ITGB6: variants seen among roughly 807,000 people sequenced by gnomAD.
ITGB6 encodes integrin beta-6.
A neutral mutation model predicts 84.5 loss-of-function variants in ITGB6; 80 were observed. That is an observed-to-expected ratio of 0.95 (90% confidence interval 0.79 to 1.14). The LOEUF is 1.14. Ranked by LOEUF, ITGB6 falls within the 50% of genes most tolerant of loss-of-function variation. The pLI is 0.00. For missense variants in ITGB6, 1,006 were observed against 968.0 expected (o/e 1.04, Z -0.52); for synonymous variants, 383 against 354.9 (o/e 1.08, Z -0.89).
chr2:160,149,459 A>G (rs886628622), intron 7 of ITGB6, among the ~76,000 whole-genome samples: 2 of 152,254 alleles, frequency 1.3e-5, no homozygotes, highest in Non-Finnish European at 2.9e-5. Context: ...GGACACCAAC[A>G]TCAAAGACCA....
At chr2:160,185,127 C>T (rs915903715) in intron 4 of ITGB6, among the ~76,000 whole-genome samples, 4 of 152,002 alleles carry the variant, frequency 2.6e-5, no homozygotes, top group Non-Finnish European at 4.4e-5. Context: ...AAGTTTTGGC[C>T]AGGGCAATCA....
intron 12 of ITGB6, among the ~76,000 whole-genome samples, chr2:160,117,884 C>T (rs1682855746): frequency 6.6e-6 from 1 of 152,196 alleles, no homozygotes; most frequent in South Asian, 2.1e-4. Context: ...ATACTACAAA[C>T]ACCTCTATGC....
chr2:160,100,671 T>C lies in ITGB6; in HGVS notation c.*1065A>G, dbSNP rs1368117106. ...TATTTTGCAAGTAAAATCTTACCTC[T>C]TAAAGTAAATATATGATGCATATTC... On this transcript the variant is annotated 3_prime_UTR_variant, in exon 15 of 15. Coordinates refer to ENST00000283249, the MANE Select transcript of ITGB6 (RefSeq NM_000888.5). 1 of 152,208 alleles carries C rather than the reference T, an allele frequency of 6.6e-6. No individual in the cohort carries two copies. The highest frequency in any genetic ancestry group is 1.5e-5 in the Non-Finnish European group (1 of 68,024). 9.4% of individuals were successfully genotyped at this position (152,208 alleles called of 1,614,324 possible). A position where few individuals can be genotyped will look rare whatever the true frequency, so the allele number is the denominator to read the frequency against.
At chr2:160,121,783 A>AG (rs2105795382) in intron 12 of ITGB6, among the ~76,000 whole-genome samples, 2 of 151,432 alleles carry the variant, frequency 1.3e-5, no homozygotes, top group South Asian at 4.2e-4. Flanking sequence ...AAAAGAAAAA[A>AG]AAAAAGACTC....
chr2:160,112,871 G>A (rs1384204656), intron 12 of ITGB6, among the ~76,000 whole-genome samples: 1 of 151,630 alleles, frequency 6.6e-6, no homozygotes, highest in Admixed American at 6.6e-5. Context: ...TCATTCAAGA[G>A]GCAGAAAATG....
chr2:160,129,454 A>G (rs1683372704), intron 10 of ITGB6, among the ~76,000 whole-genome samples: 1 of 151,426 alleles, frequency 6.6e-6, no homozygotes, highest in Non-Finnish European at 1.5e-5. Flanking sequence ...TTGCTCTTCC[A>G]GCAAAATTTA....
At chr2:160,159,596 C>G (rs1684746657) in intron 7 of ITGB6, among the ~76,000 whole-genome samples, 1 of 152,168 alleles carries the variant, frequency 6.6e-6, no homozygotes, top group African/African-American at 2.4e-5. Context: ...CCCGCTCCAT[C>G]TCCTTCTACC....
At chr2:160,195,909 G>GAAAAGGTTGTTTAGAA (rs749008139) in intron 3 of ITGB6, among the ~76,000 whole-genome samples, 12 of 152,122 alleles carry the variant, frequency 7.9e-5, no homozygotes, top group Non-Finnish European at 1.3e-4. Flanking sequence ...TAGAAAAGGA[G>GAAAAGGTTGTTTAGAA]AACCAAATAA....
chr2:160,120,434 G>A lies in ITGB6; in HGVS notation c.1981+3357C>T, dbSNP rs543793432. On this transcript the variant is annotated intron_variant, in intron 12 of 14. Transcript: ENST00000283249. ...TCGCAAGAACAAAAAACCAAACACC[G>A]CATATTCTCACTCATAGGTGGGAAT... 1.6e-3 allele frequency among the ~76,000 whole-genome samples: 65 copies of A among 41,220 alleles called. 11 individuals carry two copies. Among genetic ancestry groups the A allele is most frequent in the African/African-American group, 6.3e-3 (62 of 9,832 alleles). The allele number at this position is 41,220 out of a possible 152,430, so 27.0% of individuals were successfully genotyped here. A position where few individuals can be genotyped will look rare whatever the true frequency, so the allele number is the denominator to read the frequency against.
chr2:160,191,445 T>C (rs1447537936), intron 4 of ITGB6, among the ~76,000 whole-genome samples: 2 of 152,160 alleles, frequency 1.3e-5, no homozygotes, highest in South Asian at 4.1e-4. Context: ...ACCTCTTAAG[T>C]TGGGGCAATA....
At chr2:160,126,324 G>C in intron 11 of ITGB6, 55 bp downstream of exon 11, 1 of 1,520,360 alleles carries the variant, frequency 6.6e-7, no homozygotes, top group Non-Finnish European at 9.1e-7. Context: ...GCCACTGTAA[G>C]TTTGATCACT....
At position 160,101,125 on chromosome 2, in the gene ITGB6, C is replaced by G. The variant is rs1234895402; in HGVS notation, c.*611G>C. On this transcript the variant is annotated 3_prime_UTR_variant, in exon 15 of 15. Coordinates refer to ENST00000283249, the MANE Select transcript of ITGB6 (RefSeq NM_000888.5). ...AATTACTTATTCCTTATTTGTAAAA[C>G]AAATAAAATATTTGTGTACTTAACG... 6.6e-6 allele frequency: 1 copy of G among 151,974 alleles called. No individual in the cohort carries two copies. The highest frequency in any genetic ancestry group is 1.9e-4 in the East Asian group (1 of 5,190). The allele number at this position is 151,974 out of a possible 1,614,324, so 9.4% of individuals were successfully genotyped here.
In ITGB6 at chr2:160,169,248, G is replaced by A. The variant is rs766445448; in HGVS notation, c.981C>T (p.Ile327=). Residue 327 remains isoleucine, a synonymous_variant, in exon 7 of 15, where the codon ATC becomes ATT. Transcript: ENST00000283249. ...GAACTTGTTCTTGGGTTACAGCGAAGATCAATAACACGTTGTTTTGTACCA... is the reference window on the plus strand; with the variant it reads ...GAACTTGTTCTTGGGTTACAGCGAAAATCAATAACACGTTGTTTTGTACCA... ...DKLVQNNVLL[I]FAVTQEQVHL... The A allele has an allele frequency of 1.2e-6, 2 of 1,604,382 alleles. No individual in the cohort carries two copies. The highest frequency in any genetic ancestry group is 2.2e-5 in the South Asian group (2 of 89,248).
chr2:160,155,766 T>A (rs568979672), intron 7 of ITGB6, among the ~76,000 whole-genome samples: 1 of 152,272 alleles, frequency 6.6e-6, no homozygotes, highest in South Asian at 2.1e-4. Context: ...CGATTCTACA[T>A]ATCAACAAGA....
At position 160,172,671 on chromosome 2, in the gene ITGB6, A is replaced by T. The variant is rs61737770; in HGVS notation, c.819T>A (p.Asp273Glu). The change falls in exon 6 of 15, where the codon GAT (aspartate) becomes GAA (glutamate). Residue 273 changes from aspartate to glutamate, a missense_variant. By Grantham distance (45) the Asp-to-Glu change is conservative. Coordinates refer to ENST00000283249, the MANE Select transcript of ITGB6 (RefSeq NM_000888.5). ...GTTTGCTGTCCATTCCAAAATGAGA[A>T]TCAGCATCACTCACAAAGACCAGGA... The part of the protein sequence containing the change: ...LHLLVFVSDA[D>E]SHFGMDSKLA... 699 of 1,611,424 alleles carry T rather than the reference A, an allele frequency of 4.3e-4. 2 individuals are homozygous for T. In the African/African-American group the frequency reaches 8.3e-3, roughly 19 times the overall value.
intron 7 of ITGB6, among the ~76,000 whole-genome samples, chr2:160,147,189 AAAAG>A (rs1684230617): frequency 6.6e-6 from 1 of 152,026 alleles, no homozygotes; most frequent in Non-Finnish European, 1.5e-5. Context: ...AAGAAGAAAG[AAAAG>A]AAAGAGAATA....
Position 160,120,877 on chromosome 2 carries a change from C to T in ITGB6, c.1981+2914G>A, listed in dbSNP as rs531679881. ...ATTGAACAATGAGAACACATGGACACAGGAAGGGGAACATCACACTTCAGG... is the reference window on the plus strand; with the variant it reads ...ATTGAACAATGAGAACACATGGACATAGGAAGGGGAACATCACACTTCAGG... On this transcript the variant is annotated intron_variant, in intron 12 of 14. Coordinates refer to ENST00000283249, the MANE Select transcript of ITGB6 (RefSeq NM_000888.5). 9.4e-5 allele frequency among the ~76,000 whole-genome samples: 13 copies of T among 138,790 alleles called. No individual in the cohort carries two copies. The Admixed American group carries it at 9.5e-4, about 10-fold the overall frequency. The allele number at this position is 138,790 out of a possible 152,430, so 91.1% of individuals were successfully genotyped here. A position where few individuals can be genotyped will look rare whatever the true frequency, so the allele number is the denominator to read the frequency against.
chr2:160,154,479 T>C (rs946963849), intron 7 of ITGB6, among the ~76,000 whole-genome samples: 4 of 152,242 alleles, frequency 2.6e-5, no homozygotes, highest in Middle Eastern at 6.8e-3. Flanking sequence ...AAATACCTAA[T>C]GTAAATGATG....
At chr2:160,197,852 T>C (rs1441504521) in intron 2 of ITGB6, among the ~76,000 whole-genome samples, 1 of 152,220 alleles carries the variant, frequency 6.6e-6, no homozygotes, top group Admixed American at 6.5e-5. Flanking sequence ...TGACCTATTT[T>C]CTATCTGCCC....
Sources: gnomAD v4.1 joint callset for allele counts (sites outside exome capture counted in the v4.1 genomes callset) on GRCh38, gnomAD v4.1.1 for gene constraint, MANE v1.5 for transcripts, NCBI Gene and HGNC (gene_info 2026-07-23, HGNC 2026-07-21) for gene names.